The following CACNB2 variants were observed in gnomAD, a reference collection of about 807,000 sequenced individuals.
CACNB2 encodes the protein calcium voltage-gated channel auxiliary subunit beta 2.
In CACNB2, 42 loss-of-function variants were observed where a neutral mutation model predicts 73.3. The observed-to-expected ratio is 0.57, with a 90% CI of 0.45 to 0.74. The LOEUF (loss-of-function observed/expected upper bound fraction) is 0.74, where lower values mean the gene tolerates loss of function less well. Ranked by LOEUF, CACNB2 falls within the 30% of genes least tolerant of loss-of-function variation. CACNB2 has a pLI of 0.00. For missense variants in CACNB2, 940 were observed against 853.0 expected (o/e 1.10, Z -1.27); for synonymous variants, 348 against 310.3 (o/e 1.12, Z -1.28).
At chr10:18,430,896 A>G (rs2045858154) in intron 3 of CACNB2, among the ~76,000 whole-genome samples, 1 of 152,182 alleles carries the variant, frequency 6.6e-6, no homozygotes, top group South Asian at 2.1e-4. Flanking sequence ...TAAGAAGATA[A>G]TCTCTATCAT....
At chr10:18,511,155 A>G (rs777634916) in intron 6 of CACNB2, among the ~76,000 whole-genome samples, 1 of 152,206 alleles carries the variant, frequency 6.6e-6, no homozygotes, top group Non-Finnish European at 1.5e-5. Flanking sequence ...GTATGCATAG[A>G]TGGGGCAAAG....
At chr10:18,407,608 T>G (rs1589262686) in intron 3 of CACNB2, among the ~76,000 whole-genome samples, 2 of 152,224 alleles carry the variant, frequency 1.3e-5, no homozygotes, top group East Asian at 3.9e-4. Context: ...AACTGCCCCT[T>G]TTTTTGGAAT....
chr10:18,254,536 G>A (rs984005780), intron 2 of CACNB2, among the ~76,000 whole-genome samples: 1 of 151,938 alleles, frequency 6.6e-6, no homozygotes, highest in African/African-American at 2.4e-5. Context: ...TTGATTGTTG[G>A]TCTGAAAAAC....
intron 3 of CACNB2, among the ~76,000 whole-genome samples, chr10:18,456,141 T>C (rs1232092506): frequency 2.0e-5 from 3 of 152,224 alleles, no homozygotes; most frequent in African/African-American, 7.2e-5. Context: ...TGAATGTACA[T>C]GACCACTTTC....
intron 2 of CACNB2, among the ~76,000 whole-genome samples, chr10:18,346,663 C>T (rs1481218422): frequency 3.9e-5 from 6 of 152,234 alleles, no homozygotes; most frequent in Admixed American, 2.0e-4. Context: ...GCGATATGAT[C>T]TCAGCTTACT....
chr10:18,207,143 A>G (rs1484483211), intron 2 of CACNB2, among the ~76,000 whole-genome samples: 1 of 152,034 alleles, frequency 6.6e-6, no homozygotes, highest in African/African-American at 2.4e-5. Flanking sequence ...CTAGTAGCTC[A>G]GACTACAGGC....
intron 2 of CACNB2, among the ~76,000 whole-genome samples, chr10:18,274,983 T>A (rs2038215747): frequency 6.6e-6 from 1 of 152,202 alleles, no homozygotes; most frequent in African/African-American, 2.4e-5. Context: ...GGATACTCTT[T>A]TAAAAGACAC....
chr10:18,354,569 G>C (rs1014118462), intron 2 of CACNB2, among the ~76,000 whole-genome samples: 2 of 152,176 alleles, frequency 1.3e-5, no homozygotes, highest in Admixed American at 6.5e-5. Flanking sequence ...TGAAAGGAAA[G>C]CTAGGGTTAT....
At position 18,150,049 on chromosome 10, in the gene CACNB2, C is replaced by T. The variant is rs2031370068; in HGVS notation, c.121-834C>T. On this transcript the variant is annotated intron_variant, in intron 1 of 13. Transcript: ENST00000324631. Reference sequence around the variant, plus strand: ...GTGCTACATTTAACTCTAAACTCAACTGTTAAGCTATTGTTCATTTATATT... The same window carrying T: ...GTGCTACATTTAACTCTAAACTCAATTGTTAAGCTATTGTTCATTTATATT... 2.0e-5 allele frequency among the ~76,000 whole-genome samples: 3 copies of T among 152,178 alleles called. 1 individual carries two copies. The South Asian group carries it at 6.2e-4, about 32-fold the overall frequency.
At chr10:18,427,415 T>C (rs1165175342) in intron 3 of CACNB2, among the ~76,000 whole-genome samples, 2 of 152,122 alleles carry the variant, frequency 1.3e-5, no homozygotes, top group Non-Finnish European at 2.9e-5. Flanking sequence ...GTATGTATAA[T>C]CATGAGGGAA....
At chr10:18,476,942 C>A (rs1431284631) in intron 3 of CACNB2, among the ~76,000 whole-genome samples, 1 of 152,022 alleles carries the variant, frequency 6.6e-6, no homozygotes, top group Non-Finnish European at 1.5e-5. Flanking sequence ...ATCACTTGAA[C>A]CCGGGAGGCA....
chr10:18,538,359 T>C lies in CACNB2; in HGVS notation c.1482T>C (p.Asn494=), dbSNP rs746817851. Reference sequence around the variant, plus strand: ...CTCTTAGCCCCACCCTAGCCTCTAATTCACAGGTAAGGGGAGTTTTTATAT... The same window carrying C: ...CTCTTAGCCCCACCCTAGCCTCTAACTCACAGGTAAGGGGAGTTTTTATAT... The part of the protein sequence containing the change: ...SLPLSPTLAS[N]SQGSQGDQRT... The change falls in exon 13 of 14, where the codon AAT becomes AAC. Residue 494 remains asparagine (N), a synonymous_variant. Transcript: ENST00000324631. The C allele has an allele frequency of 6.2e-7, 1 of 1,613,916 alleles. No individual in the cohort carries two copies. Among genetic ancestry groups the C allele is most frequent in the Admixed American group, 1.7e-5 (1 of 60,016 alleles).
At chr10:18,419,437 G>A (rs761559421) in intron 3 of CACNB2, among the ~76,000 whole-genome samples, 16 of 152,326 alleles carry the variant, frequency 1.1e-4, no homozygotes, top group South Asian at 2.1e-4. Context: ...AAATGAGAGA[G>A]AGAGAAGGTG....
rs770408996 is a variant in CACNB2, at chr10:18,514,387, G to A, written c.804+18G>A. 1 of 1,614,046 alleles carries A rather than the reference G, an allele frequency of 6.2e-7. No homozygotes were observed. Among genetic ancestry groups the A allele is most frequent in the Non-Finnish European group, 8.5e-7 (1 of 1,180,012 alleles). On this transcript the variant is annotated intron_variant, in intron 7 of 13. Coordinates refer to ENST00000324631, the MANE Select transcript of CACNB2 (RefSeq NM_201596.3). ...TTAAGAAGGTAACATTAACTTCCAA[G>A]CTCCCATTGTCCACCTGCTCAACTG...
rs576639946 is a variant in CACNB2 at position 18,543,095 on chromosome 10, G to A, written c.*3371G>A. The A allele has an allele frequency of 6.6e-6, 1 of 152,026 alleles. No homozygotes were observed. The highest frequency in any genetic ancestry group is 2.1e-4 in the South Asian group (1 of 4,812). 9.4% of individuals were successfully genotyped at this position (152,026 alleles called of 1,614,324 possible). On this transcript the variant is annotated 3_prime_UTR_variant, in exon 14 of 14. Transcript: ENST00000324631. Reference sequence around the variant, plus strand: ...CTACACTGAACTGTCTAACAAACCTGGTTTAAAGTAATTCATATAAAACAA... The same window carrying A: ...CTACACTGAACTGTCTAACAAACCTAGTTTAAAGTAATTCATATAAAACAA...
chr10:18,530,734 C>T (rs1451706268), intron 10 of CACNB2, among the ~76,000 whole-genome samples: 1 of 152,184 alleles, frequency 6.6e-6, no homozygotes, highest in Non-Finnish European at 1.5e-5. Context: ...AAGTCATGGA[C>T]TGTCTGCACT....
chr10:18,192,399 G>A (rs556823171), intron 2 of CACNB2, among the ~76,000 whole-genome samples: 1 of 151,964 alleles, frequency 6.6e-6, no homozygotes, highest in Admixed American at 6.6e-5. Context: ...CCAGGCTGGG[G>A]TCCAGTGGTG....
chr10:18,185,047 C>A (rs2034087060), intron 2 of CACNB2, among the ~76,000 whole-genome samples: 1 of 152,086 alleles, frequency 6.6e-6, no homozygotes, highest in Admixed American at 6.6e-5. Context: ...CTATGTTTCC[C>A]AAGCTGGTCT....
chr10:18,538,768 T>C (rs2053858051), intron 13 of CACNB2, among the ~76,000 whole-genome samples: 1 of 152,188 alleles, frequency 6.6e-6, no homozygotes, highest in Admixed American at 6.6e-5. Flanking sequence ...AGGGCTGTTG[T>C]ATTAATGAGT....
Sources: gnomAD v4.1 joint callset for allele counts (sites outside exome capture counted in the v4.1 genomes callset) on GRCh38, gnomAD v4.1.1 for gene constraint, MANE v1.5 for transcripts, NCBI Gene and HGNC (gene_info 2026-07-23, HGNC 2026-07-21) for gene names.